The following SLC24A2 variants were observed in gnomAD, a reference collection of about 807,000 sequenced individuals.
SLC24A2 encodes the protein sodium/potassium/calcium exchanger 2.
A neutral mutation model predicts 62.0 loss-of-function variants in SLC24A2; 36 were observed. That is an observed-to-expected ratio of 0.58 (90% CI 0.44 to 0.77). The LOEUF (loss-of-function observed/expected upper bound fraction) is 0.77. Among genes scored for constraint, SLC24A2 ranks in the 30% least tolerant of loss-of-function variants. The probability of loss-of-function intolerance (pLI) is 0.00; values close to 1 mark genes in which losing one functional copy is unlikely to be tolerated. For missense variants in SLC24A2, 846 were observed against 817.9 expected (o/e 1.03, Z -0.42); for synonymous variants, 358 against 294.0 (o/e 1.22, Z -2.23).
chr9:20,138,876 C>G, the SLC24A2 span, among the ~76,000 whole-genome samples: 1 of 152,184 alleles, frequency 6.6e-6, no homozygotes, highest in Non-Finnish European at 1.5e-5. Context: ...CGCTCCCAGG[C>G]GAAGGCCTCA....
the SLC24A2 span, among the ~76,000 whole-genome samples, chr9:19,981,019 C>T: frequency 2.0e-5 from 3 of 152,188 alleles, no homozygotes; most frequent in African/African-American, 7.2e-5. Flanking sequence ...TACTCTCAAT[C>T]TCCCCTTTAT....
the SLC24A2 span, among the ~76,000 whole-genome samples, chr9:20,145,026 G>T: frequency 1.3e-5 from 2 of 152,006 alleles, no homozygotes; most frequent in Non-Finnish European, 2.9e-5. Context: ...ATAATCCACC[G>T]AGCAGCAACT....
chr9:20,205,846 C>G, the SLC24A2 span, among the ~76,000 whole-genome samples: 3 of 152,066 alleles, frequency 2.0e-5, no homozygotes, highest in Non-Finnish European at 4.4e-5. Flanking sequence ...AAACTCATCA[C>G]CATGACCATG....
the SLC24A2 span, among the ~76,000 whole-genome samples, chr9:19,909,905 C>G: frequency 6.6e-6 from 1 of 152,076 alleles, no homozygotes; most frequent in African/African-American, 2.4e-5. Flanking sequence ...TCCTCCCACA[C>G]TTGCTTCTTT....
the SLC24A2 span, among the ~76,000 whole-genome samples, chr9:19,824,898 T>C: frequency 6.6e-6 from 1 of 152,092 alleles, no homozygotes; most frequent in African/African-American, 2.4e-5. Flanking sequence ...GAAACCATCA[T>C]TTTCAGCAAA....
At chr9:19,850,935 A>ATC in the SLC24A2 span, among the ~76,000 whole-genome samples, 1 of 57,536 alleles carries the variant, frequency 1.7e-5, no homozygotes, top group Admixed American at 2.4e-4. Flanking sequence ...ATGTGGGCAT[A>ATC]TATATATATA....
the SLC24A2 span, among the ~76,000 whole-genome samples, chr9:20,077,313 C>A: frequency 6.6e-6 from 1 of 152,030 alleles, no homozygotes; most frequent in African/African-American, 2.4e-5. Context: ...CAAAAAGTAA[C>A]TATGTGAGAT....
the SLC24A2 span, among the ~76,000 whole-genome samples, chr9:19,997,816 T>C: frequency 1.3e-5 from 2 of 152,192 alleles, no homozygotes; most frequent in East Asian, 3.8e-4. Context: ...TTTGGATAAA[T>C]AGTTAATTTG....
At chr9:20,220,654 T>C in the SLC24A2 span, among the ~76,000 whole-genome samples, 1 of 152,284 alleles carries the variant, frequency 6.6e-6, no homozygotes, top group East Asian at 1.9e-4. Context: ...ACTTGGGCAG[T>C]TGGTTGCAGA....
the SLC24A2 span, among the ~76,000 whole-genome samples, chr9:20,235,422 C>T: frequency 0.033 from 4,997 of 152,242 alleles, 105 homozygotes; most frequent in Middle Eastern, 0.089. Context: ...ACAGCTAACT[C>T]GGCAATGGCA....
the SLC24A2 span, among the ~76,000 whole-genome samples, chr9:20,195,772 C>A: frequency 6.6e-6 from 1 of 151,892 alleles, no homozygotes; most frequent in African/African-American, 2.4e-5. Flanking sequence ...AATTAATTTC[C>A]CACTTAAAAT....
At chr9:19,603,546 A>C (rs1298829595) in intron 4 of SLC24A2, among the ~76,000 whole-genome samples, 1 of 152,038 alleles carries the variant, frequency 6.6e-6, no homozygotes, top group Non-Finnish European at 1.5e-5. Flanking sequence ...TGTAAGCCAC[A>C]CTCACAATCC....
intron 9 of SLC24A2, among the ~76,000 whole-genome samples, chr9:19,526,489 T>A (rs867755911): frequency 6.6e-6 from 1 of 152,222 alleles, no homozygotes; most frequent in Non-Finnish European, 1.5e-5. Context: ...GATTCTAATT[T>A]CTATACATCC....
the SLC24A2 span, among the ~76,000 whole-genome samples, chr9:20,102,510 G>T: frequency 6.8e-6 from 1 of 148,058 alleles, no homozygotes; most frequent in Admixed American, 6.7e-5. Flanking sequence ...GGGGGGAAGG[G>T]GACACACAGC....
the SLC24A2 span, among the ~76,000 whole-genome samples, chr9:20,225,832 T>C: frequency 4.0e-5 from 6 of 151,734 alleles, no homozygotes; most frequent in African/African-American, 9.7e-5. Flanking sequence ...TCAATGGCCA[T>C]GGGTCTGAGG....
intron 2 of SLC24A2, among the ~76,000 whole-genome samples, chr9:19,763,935 C>T (rs936526877): frequency 6.6e-6 from 1 of 152,166 alleles, no homozygotes; most frequent in Non-Finnish European, 1.5e-5. Flanking sequence ...GTGAATCCAT[C>T]TGGTCCCGGG....
the SLC24A2 span, among the ~76,000 whole-genome samples, chr9:20,109,526 G>T: frequency 6.6e-6 from 1 of 152,178 alleles, no homozygotes; most frequent in Non-Finnish European, 1.5e-5. Context: ...CCAGCCCCCA[G>T]TAAAAATCCT....
chr9:19,893,883 C>G, the SLC24A2 span, among the ~76,000 whole-genome samples: 1 of 152,112 alleles, frequency 6.6e-6, no homozygotes, highest in Non-Finnish European at 1.5e-5. Flanking sequence ...GTCTGATGGT[C>G]CAAGATGGCT....
the SLC24A2 span, among the ~76,000 whole-genome samples, chr9:20,273,181 A>T: frequency 6.6e-6 from 1 of 152,200 alleles, no homozygotes; most frequent in Admixed American, 6.5e-5. Flanking sequence ...GGCTTCCTGG[A>T]AATTGAGAAG....
Sources: gnomAD v4.1 joint callset for allele counts (sites outside exome capture counted in the v4.1 genomes callset) on GRCh38, gnomAD v4.1.1 for gene constraint, MANE v1.5 for transcripts, NCBI Gene and HGNC (gene_info 2026-07-23, HGNC 2026-07-21) for gene names.